Variants in PIWIL4 observed in about 807,000 individuals in gnomAD.
PIWIL4 encodes the protein piwi-like protein 4.
Under a neutral mutation model 100.9 loss-of-function variants are expected in PIWIL4, and 50 were observed. That is an observed-to-expected ratio of 0.50 (90% CI 0.39 to 0.63). The LOEUF (loss-of-function observed/expected upper bound fraction) is 0.63, where lower values mean the gene tolerates loss of function less well. PIWIL4 is among the 20% of genes least tolerant of loss of function. PIWIL4 has a pLI of 0.00. For synonymous variants in PIWIL4, 342 were observed against 367.5 expected, an observed-to-expected ratio of 0.93 and a Z score of 0.79; for missense variants, 887 against 1,043.3, an observed-to-expected ratio of 0.85 and a Z score of 2.06.
In PIWIL4 at chr11:94,595,318, A is replaced by G; in HGVS notation, c.1160A>G (p.Asp387Gly). The stretch of plus-strand genomic sequence containing the variant: ...CATTTGCATTTAATAGGGCTGACTG[A>G]CCAGGCAACATCTGATTTCCAGCTG... Reference protein sequence around the residue: ...PELCFLTGLTDQATSDFQLMK... With the variant: ...PELCFLTGLTGQATSDFQLMK... Residue 387 changes from aspartate to glycine, a missense_variant, in exon 10 of 20, where the codon GAC becomes GGC. Transcript: ENST00000299001. 6.2e-7 allele frequency: 1 copy of G among 1,613,560 alleles called. No homozygotes were observed. Among genetic ancestry groups the G allele is most frequent in the Non-Finnish European group, 8.5e-7 (1 of 1,179,552 alleles).
At chr11:94,574,959 A>G (rs1456019986) in intron 2 of PIWIL4, 40 bp from the exon 3 acceptor site, 1 of 1,591,500 alleles carries the variant, frequency 6.3e-7, no homozygotes, top group Non-Finnish European at 8.6e-7. Context: ...TATCACTAGA[A>G]TGAAATATTA....
In PIWIL4 at chr11:94,575,826, A is replaced by AAC. The variant is rs577787006; in HGVS notation, c.298+697_298+698insCA. ...ACTAATGGGACCCAGCTGCCGTTTG[A>AAC]AAACTATCATATGTAGACGATCTTG... is the stretch of plus-strand genomic sequence containing the variant. On this transcript the variant is annotated intron_variant, in intron 3 of 19. Transcript: ENST00000299001. Among the ~76,000 whole-genome samples the AAC allele has an allele frequency of 5.9e-3, 901 of 152,320 alleles. 14 individuals carry two copies. Among genetic ancestry groups the AAC allele is most frequent in the African/African-American group, 0.02 (815 of 41,578 alleles).
At chr11:94,585,073 G>T (rs1234436657) in intron 5 of PIWIL4, among the ~76,000 whole-genome samples, 2 of 152,016 alleles carry the variant, frequency 1.3e-5, no homozygotes, top group Non-Finnish European at 2.9e-5. Context: ...TTCAAAAAAA[G>T]AAAAAGAAAT....
chr11:94,577,157 C>A, intron 3 of PIWIL4, 121 bp from the exon 4 acceptor site: 3 of 769,106 alleles, frequency 3.9e-6, no homozygotes, highest in Non-Finnish European at 6.2e-6. Flanking sequence ...TGTCACTGTG[C>A]AAAAATCCTT....
chr11:94,576,044 C>T (rs988506884), intron 3 of PIWIL4, among the ~76,000 whole-genome samples: 1 of 152,240 alleles, frequency 6.6e-6, no homozygotes, highest in Non-Finnish European at 1.5e-5. Context: ...TACTGAAGCA[C>T]AGCTGATACC....
In PIWIL4 at chr11:94,607,559, A is replaced by T; in HGVS notation, c.1759A>T (p.Met587Leu). 6.2e-7 allele frequency: 1 copy of T among 1,614,170 alleles called. No individual in the cohort carries two copies. Among genetic ancestry groups the T allele is most frequent in the Non-Finnish European group, 8.5e-7 (1 of 1,180,016 alleles). ...VLARTLNKQG[M>L]MMSIATKIAM... is the part of the protein sequence containing the mutation. Reference sequence around the variant, plus strand: ...TGCTCGGACCTTGAATAAACAGGGCATGATGATGAGTATCGCCACCAAGAT... The same window carrying T: ...TGCTCGGACCTTGAATAAACAGGGCTTGATGATGAGTATCGCCACCAAGAT... The change falls in exon 14 of 20, where the codon ATG becomes TTG. Residue 587 changes from methionine (M) to leucine (L), a missense_variant. Met to Leu is a conservative substitution (Grantham distance 15). Around this residue, in one of 2 missense-constraint regions of PIWIL4, gnomAD observed 741 missense variants for 930.0 expected, o/e 0.80. Coordinates refer to ENST00000299001, the MANE Select transcript of PIWIL4 (RefSeq NM_152431.3).
At chr11:94,617,168 A>C (rs1424234400) in intron 16 of PIWIL4, among the ~76,000 whole-genome samples, 1 of 152,112 alleles carries the variant, frequency 6.6e-6, no homozygotes, top group Non-Finnish European at 1.5e-5. Flanking sequence ...ATTTTTTCTT[A>C]AAAAATGAAT....
At chr11:94,616,643 C>A in intron 16 of PIWIL4, 80 bp downstream of exon 16, 2 of 1,178,490 alleles carry the variant, frequency 1.7e-6, no homozygotes, top group Non-Finnish European at 1.2e-6. Context: ...TAGAAGACCA[C>A]ATAGGTCAGA....
chr11:94,574,984 C>T lies in PIWIL4; in HGVS notation c.167-15C>T. The T allele has an allele frequency of 6.2e-7, 1 of 1,608,908 alleles. No individual in the cohort carries two copies. The highest frequency in any genetic ancestry group is 8.5e-7 in the Non-Finnish European group (1 of 1,175,972). On this transcript the variant is annotated splice_polypyrimidine_tract_variant and intron_variant, in intron 2 of 19. Transcript: ENST00000299001. ...ATGAAATATTAGCTGTTACCACATT[C>T]TCTTCATGTTTTAGATAAATATGGG...
At position 94,585,438 on chromosome 11, in the gene PIWIL4, C is replaced by T. The variant is rs550317574; in HGVS notation, c.636-7C>T. 1 of 1,601,210 alleles carries T rather than the reference C, an allele frequency of 6.2e-7. No homozygotes were observed. Among genetic ancestry groups the T allele is most frequent in the Non-Finnish European group, 8.5e-7 (1 of 1,173,976 alleles). On this transcript the variant is annotated splice_polypyrimidine_tract_variant and splice_region_variant and intron_variant, in intron 5 of 19. Transcript: ENST00000299001. ...TTTACCAAAAATTCAAAAAAATATA[C>T]TTGCAGGATCCTCAAAAAGTTGTCC...
At chr11:94,579,876 TA>T (rs1315901937) in intron 4 of PIWIL4, among the ~76,000 whole-genome samples, 1 of 152,258 alleles carries the variant, frequency 6.6e-6, no homozygotes, top group Non-Finnish European at 1.5e-5. Context: ...TTGTTACCAT[TA>T]AAAATGTTCT....
intron 5 of PIWIL4, among the ~76,000 whole-genome samples, chr11:94,584,900 AC>A (rs1236373997): frequency 6.6e-6 from 1 of 152,164 alleles, no homozygotes; most frequent in African/African-American, 2.4e-5. Context: ...CCTCGTCTCT[AC>A]CAAAAATACA....
Position 94,575,097 on chromosome 11 carries a change from G to C in PIWIL4, c.265G>C (p.Glu89Gln), listed in dbSNP as rs1413844964. 4 of 1,613,654 alleles carry C rather than the reference G, an allele frequency of 2.5e-6. No individual in the cohort carries two copies. The highest frequency in any genetic ancestry group is 3.4e-6 in the Non-Finnish European group (4 of 1,179,856). Reference sequence around the variant, plus strand: ...TATGGATTTGAGTATCTGTACCAGAGAAAAATTGGCACATGTGAGAAATTG... The same window carrying C: ...TATGGATTTGAGTATCTGTACCAGACAAAAATTGGCACATGTGAGAAATTG... ...DFMDLSICTR[E>Q]KLAHVRNCKT... Residue 89 changes from glutamate to glutamine, a missense_variant, in exon 3 of 20, where the codon GAA becomes CAA. Coordinates refer to ENST00000299001, the MANE Select transcript of PIWIL4 (RefSeq NM_152431.3).
Position 94,597,920 on chromosome 11 carries a change from G to A in PIWIL4, c.1380+5G>A. On this transcript the variant is annotated splice_donor_5th_base_variant and intron_variant, in intron 11 of 19. Transcript: ENST00000299001. ...ATATTAATGCAAGACCACATAGTAA[G>A]TGCTGTGATTTTATTTTCATTTAAA... 1.9e-6 allele frequency: 3 copies of A among 1,588,014 alleles called. No individual in the cohort carries two copies. The highest frequency in any genetic ancestry group is 2.6e-6 in the Non-Finnish European group (3 of 1,156,716).
chr11:94,588,467 C>A (rs1948436240), intron 7 of PIWIL4, among the ~76,000 whole-genome samples: 1 of 152,164 alleles, frequency 6.6e-6, no homozygotes, highest in Non-Finnish European at 1.5e-5. Context: ...CTGTCATGAT[C>A]TTGATGGATT....
At position 94,603,996 on chromosome 11, in the gene PIWIL4, A is replaced by G; in HGVS notation, c.1578A>G (p.Gln526=). The part of the protein sequence containing the change: ...NVDYPKIIKV[Q]ENPAAFVRAI... ...TCTTTTTATGTAGCATAAAAGTACAAGAAAATCCAGCTGCATTTGTTAGAG... is the reference window on the plus strand; with the variant it reads ...TCTTTTTATGTAGCATAAAAGTACAGGAAAATCCAGCTGCATTTGTTAGAG... The change falls in exon 13 of 20, where the codon CAA becomes CAG. Residue 526 remains glutamine (Q), a synonymous_variant. Transcript: ENST00000299001. 1.2e-6 allele frequency: 2 copies of G among 1,604,648 alleles called. No homozygotes were observed. The highest frequency in any genetic ancestry group is 1.7e-6 in the Non-Finnish European group (2 of 1,174,158).
chr11:94,596,781 C>T (rs757573040), intron 10 of PIWIL4, among the ~76,000 whole-genome samples: 1 of 152,154 alleles, frequency 6.6e-6, no homozygotes, highest in Non-Finnish European at 1.5e-5. Context: ...GATGGCCTCA[C>T]TCATCTCATC....
chr11:94,599,470 G>C (rs916754540), intron 11 of PIWIL4, among the ~76,000 whole-genome samples: 1 of 152,138 alleles, frequency 6.6e-6, no homozygotes, highest in Non-Finnish European at 1.5e-5. Flanking sequence ...ACATTGTCCT[G>C]GGTCTCCTCC....
Position 94,595,160 on chromosome 11 carries a change from A to G in PIWIL4, c.1151-149A>G, listed in dbSNP as rs549903385. The G allele has an allele frequency of 5.1e-6, 3 of 584,472 alleles. No individual in the cohort carries two copies. In the East Asian group the frequency reaches 8.2e-5, roughly 16 times the overall value. The allele number at this position is 584,472 out of a possible 1,614,324, so 36.2% of individuals were successfully genotyped here. A position where few individuals can be genotyped will look rare whatever the true frequency, so the allele number is the denominator to read the frequency against. ...CCTTTTCTTAATGTGGCTACCAGAA[A>G]ACTTAAAATGACATACGTGGTTTTC... On this transcript the variant is annotated intron_variant, in intron 9 of 19. Transcript: ENST00000299001.
Sources: allele counts gnomAD v4.1 joint callset (sites outside exome capture counted in the v4.1 genomes callset), GRCh38; gene constraint gnomAD v4.1.1; regional missense constraint gnomAD v4.1.1; transcripts MANE v1.5; gene names NCBI Gene and HGNC (gene_info 2026-07-23, HGNC 2026-07-21).